The following SYNPR variants were observed in gnomAD, a reference collection of about 807,000 sequenced individuals.
SYNPR encodes the protein synaptoporin.
A neutral mutation model predicts 32.9 loss-of-function variants in SYNPR; 23 were observed. That is an observed-to-expected ratio of 0.70 (90% confidence interval 0.50 to 0.99). SYNPR has a LOEUF of 0.99. Ranked by LOEUF, SYNPR falls within the 50% of genes least tolerant of loss-of-function variation. The probability of loss-of-function intolerance (pLI) is 0.00; values close to 1 mark genes in which losing one functional copy is unlikely to be tolerated. For synonymous variants in SYNPR, 146 were observed against 135.9 expected (o/e 1.07, Z -0.52); for missense variants, 318 against 349.3 (o/e 0.91, Z 0.71).
intron 2 of SYNPR, among the ~76,000 whole-genome samples, chr3:63,307,690 T>C (rs13067403): frequency 0.13 from 20,446 of 152,014 alleles, 1,783 homozygotes; most frequent in Non-Finnish European, 0.18. Flanking sequence ...TCTTTTCTAA[T>C]TCAGATAATC....
intron 2 of SYNPR, among the ~76,000 whole-genome samples, chr3:63,368,718 C>T (rs913180923): frequency 1.7e-4 from 26 of 152,032 alleles, no homozygotes; most frequent in African/African-American, 5.6e-4. Context: ...GTGCTACAGA[C>T]TGAACCAGGA....
At chr3:63,217,270 A>T in the SYNPR span, among the ~76,000 whole-genome samples, 3 of 32,530 alleles carry the variant, frequency 9.2e-5, no homozygotes, top group South Asian at 8.1e-4. Context: ...TTGTTTACCT[A>T]AGCAAGCCTG....
chr3:63,398,891 T>G (rs2088253476), intron 2 of SYNPR, among the ~76,000 whole-genome samples: 1 of 152,176 alleles, frequency 6.6e-6, no homozygotes, highest in Admixed American at 6.5e-5. Context: ...GCTTCAGATA[T>G]CTGAAGAGAA....
At chr3:63,563,132 A>C (rs1343119490) in intron 4 of SYNPR, among the ~76,000 whole-genome samples, 6 of 152,132 alleles carry the variant, frequency 3.9e-5, no homozygotes, top group African/African-American at 7.2e-5. Context: ...CTGCTTTCAC[A>C]GTTCTGTCTT....
intron 4 of SYNPR, among the ~76,000 whole-genome samples, chr3:63,595,836 TATATATAGTTTTA>T (rs1453498389): frequency 0.047 from 3,367 of 72,014 alleles, 357 homozygotes; most frequent in South Asian, 0.089. Flanking sequence ...TATATAGTTA[TATATATAGTTTTA>T]TATATATATA....
At position 63,435,149 on chromosome 3, in the gene SYNPR, T is replaced by C. The variant is rs780194565; in HGVS notation, c.85-45683T>C. 5.9e-4 allele frequency among the ~76,000 whole-genome samples: 90 copies of C among 152,210 alleles called. 1 individual carries two copies. Among genetic ancestry groups the C allele is most frequent in the Non-Finnish European group, 1.6e-4 (11 of 68,038 alleles). ...TGCGCACATTCGCAAGACTGGGTAATGTGGAGATTTATAACCTGGGCTTTG... is the reference window on the plus strand; with the variant it reads ...TGCGCACATTCGCAAGACTGGGTAACGTGGAGATTTATAACCTGGGCTTTG... On this transcript the variant is annotated intron_variant, in intron 2 of 5. Coordinates refer to ENST00000478300, the MANE Select transcript of SYNPR (RefSeq NM_001130003.2).
At chr3:63,606,755 G>A (rs2106900420) in intron 4 of SYNPR, among the ~76,000 whole-genome samples, 1 of 152,138 alleles carries the variant, frequency 6.6e-6, no homozygotes, top group East Asian at 1.9e-4. Flanking sequence ...TTTTAAATAG[G>A]AAGATCAGTA....
At chr3:63,585,558 T>C (rs1575724137) in intron 4 of SYNPR, among the ~76,000 whole-genome samples, 1 of 151,178 alleles carries the variant, frequency 6.6e-6, no homozygotes, top group Admixed American at 6.6e-5. Context: ...AACAGACACA[T>C]ACACGTAAGC....
chr3:63,522,550 T>C (rs1316152058), intron 3 of SYNPR, among the ~76,000 whole-genome samples: 1 of 25,832 alleles, frequency 3.9e-5, no homozygotes, highest in East Asian at 0.031. Flanking sequence ...ATATGCACAT[T>C]GGCTTTTAAA....
At chr3:63,323,496 G>A (rs186347814) in intron 2 of SYNPR, among the ~76,000 whole-genome samples, 156 of 152,092 alleles carry the variant, frequency 1.0e-3, no homozygotes, top group Non-Finnish European at 1.9e-3. Context: ...ACATACACAG[G>A]CCAGAAAATC....
rs776266704 is a variant in SYNPR, at chr3:63,372,665, C to T, written c.84+93923C>T. Among the ~76,000 whole-genome samples the T allele has an allele frequency of 1.1e-4, 16 of 152,282 alleles. No individual in the cohort carries two copies. The South Asian group carries it at 3.1e-3, about 30-fold the overall frequency. On this transcript the variant is annotated intron_variant, in intron 2 of 5. Transcript: ENST00000478300. ...CTCTGAATCTCTCTGGGATAGAGCC[C>T]CATGAGATAGGTGAAAAGTCCTCTG...
intron 3 of SYNPR, among the ~76,000 whole-genome samples, chr3:63,543,005 T>G (rs1478692542): frequency 1.3e-5 from 2 of 152,140 alleles, no homozygotes; most frequent in Non-Finnish European, 1.5e-5. Context: ...AAAGAGCTTT[T>G]TATTTTTGTA....
intron 3 of SYNPR, among the ~76,000 whole-genome samples, chr3:63,509,282 G>A (rs200663847): frequency 5.0e-5 from 4 of 79,542 alleles, no homozygotes; most frequent in South Asian, 3.7e-4. Context: ...TTATATATAT[G>A]TGTGTGTATA....
At chr3:63,420,042 T>C (rs950256519) in intron 2 of SYNPR, among the ~76,000 whole-genome samples, 12 of 152,178 alleles carry the variant, frequency 7.9e-5, no homozygotes, top group East Asian at 1.9e-4. Flanking sequence ...AGGAAACATA[T>C]GTAAAATGTT....
intron 2 of SYNPR, among the ~76,000 whole-genome samples, chr3:63,366,964 A>C (rs1202550855): frequency 6.6e-6 from 1 of 152,218 alleles, no homozygotes; most frequent in Non-Finnish European, 1.5e-5. Context: ...GGCAGTAGCA[A>C]TAGTGTGTGC....
chr3:63,505,789 C>T (rs917166885), intron 3 of SYNPR, among the ~76,000 whole-genome samples: 2 of 152,182 alleles, frequency 1.3e-5, no homozygotes, highest in Non-Finnish European at 2.9e-5. Flanking sequence ...TCCATTGGAA[C>T]TGGCTGTGAT....
intron 2 of SYNPR, among the ~76,000 whole-genome samples, chr3:63,366,240 G>A (rs550080935): frequency 7.9e-5 from 12 of 151,968 alleles, no homozygotes; most frequent in South Asian, 2.1e-4. Flanking sequence ...GAACAAAACC[G>A]AGGGGTTTTT....
At chr3:63,481,016 T>G in intron 3 of SYNPR, 60 bp downstream of exon 3, 1 of 1,558,604 alleles carries the variant, frequency 6.4e-7, no homozygotes. Context: ...TCTTCTGTGC[T>G]TTGTCTCAGA....
At chr3:63,253,385 AC>A (rs1391724371) in intron 2 of SYNPR, among the ~76,000 whole-genome samples, 8 of 152,322 alleles carry the variant, frequency 5.3e-5, no homozygotes, top group African/African-American at 1.9e-4. Context: ...GTTTTAAACA[AC>A]TGTAGCATCA....
Sources: gnomAD v4.1 joint callset for allele counts (sites outside exome capture counted in the v4.1 genomes callset) on GRCh38, gnomAD v4.1.1 for gene constraint, MANE v1.5 for transcripts, NCBI Gene and HGNC (gene_info 2026-07-23, HGNC 2026-07-21) for gene names.